KIF1A: variants seen among roughly 807,000 people sequenced by gnomAD.
The protein encoded by KIF1A is kinesin family member 1A, also known as kinesin-like protein KIF1A.
In KIF1A, 46 loss-of-function variants were observed where a neutral mutation model predicts 227.3. That is an observed-to-expected ratio of 0.20 (90% confidence interval 0.16 to 0.26). The LOEUF (loss-of-function observed/expected upper bound fraction) is 0.26. Among genes scored for constraint, KIF1A ranks in the 10% least tolerant of loss-of-function variants. KIF1A has a pLI of 1.00. For missense variants in KIF1A, 1,683 were observed against 2,485.9 expected, an observed-to-expected ratio of 0.68 and a Z score of 6.87; for synonymous variants, 1,022 against 1,012.8, an observed-to-expected ratio of 1.01 and a Z score of -0.17.
In KIF1A at chr2:240,788,045, T is replaced by C. The variant is rs1295567779; in HGVS notation, c.363+6A>G. 1 of 1,330,072 alleles carries C rather than the reference T, an allele frequency of 7.5e-7. No homozygotes were observed. The highest frequency in any genetic ancestry group is 1.0e-6 in the Non-Finnish European group (1 of 957,212). The allele number at this position is 1,330,072 out of a possible 1,614,324, so 82.4% of individuals were successfully genotyped here. A position where few individuals can be genotyped will look rare whatever the true frequency, so the allele number is the denominator to read the frequency against. ...GGGCTGCCCCCGCCCGCCCCCCGCT[T>C]CGTGCCTGTGGGATGATGCCCTGCT... On this transcript the variant is annotated splice_donor_region_variant and intron_variant, in intron 4 of 48. Coordinates refer to ENST00000498729, the MANE Select transcript of KIF1A (RefSeq NM_001244008.2). The surrounding 1 kb of genome is among the most constrained non-coding windows in gnomAD (Gnocchi z 6.6).
rs1043726646 is a variant in KIF1A at position 240,758,764 on chromosome 2, C to T, written c.2445-267G>A. ...TCCAGGGGGTGGGCTGGGGAACAAG[C>T]AGTGAGGGGCTAGAGGGGCTGGCGG... On this transcript the variant is annotated intron_variant, in intron 25 of 48. Transcript: ENST00000498729. This position sits in a 1 kb window ranked among gnomAD's most constrained non-coding sequence, Gnocchi z 5.2. 6.6e-6 allele frequency among the ~76,000 whole-genome samples: 1 copy of T among 152,038 alleles called. No homozygotes were observed. The highest frequency in any genetic ancestry group is 1.5e-5 in the Non-Finnish European group (1 of 67,994).
At chr2:240,784,935 C>G in intron 7 of KIF1A, 54 bp downstream of exon 7, 1 of 1,459,422 alleles carries the variant, frequency 6.9e-7, no homozygotes, top group Admixed American at 1.7e-5. Context: ...CCACCCCTAC[C>G]CTGACCACCA....
At chr2:240,721,302 G>C (rs1349668526) in intron 44 of KIF1A, among the ~76,000 whole-genome samples, 1 of 152,238 alleles carries the variant, frequency 6.6e-6, no homozygotes, top group African/African-American at 2.4e-5. Flanking sequence ...GAGTGGGCTG[G>C]GTAAGCTCTG....
Position 240,718,178 on chromosome 2 carries a change from G to A in KIF1A, c.5215-10C>T, listed in dbSNP as rs2125559875. ...CGAATGTGTTGGGTGTCTGCAGAGG[G>A]AGGCAGCTGGTGAGGAGGTGCCAGG... is the stretch of plus-strand genomic sequence containing the variant. On this transcript the variant is annotated splice_polypyrimidine_tract_variant and intron_variant, in intron 47 of 48. Coordinates refer to ENST00000498729, the MANE Select transcript of KIF1A (RefSeq NM_001244008.2). 3 of 1,577,190 alleles carry A rather than the reference G, an allele frequency of 1.9e-6. No homozygotes were observed. The highest frequency in any genetic ancestry group is 2.6e-6 in the Non-Finnish European group (3 of 1,157,796).
rs547336074 is a variant in KIF1A at position 240,747,537 on chromosome 2, A to C, written c.2978-216T>G. Among the ~76,000 whole-genome samples, 3 of 152,286 alleles carry C rather than the reference A, an allele frequency of 2.0e-5. No individual in the cohort carries two copies. The East Asian group carries it at 5.8e-4, about 29-fold the overall frequency. ...CCTGCCCAGGGGCCCCAAAGCAGCCACGGCCTCATCACAGCCCACCTTGAT... is the reference window on the plus strand; with the variant it reads ...CCTGCCCAGGGGCCCCAAAGCAGCCCCGGCCTCATCACAGCCCACCTTGAT... On this transcript the variant is annotated intron_variant, in intron 28 of 48. Transcript: ENST00000498729.
chr2:240,746,930 G>A (rs2048670158), intron 29 of KIF1A, among the ~76,000 whole-genome samples: 2 of 152,336 alleles, frequency 1.3e-5, no homozygotes, highest in African/African-American at 4.8e-5. Context: ...GAGACAGGGT[G>A]GGGGTGGCTG....
rs2050489468 is a variant in KIF1A at position 240,761,216 on chromosome 2, G to A, written c.2265+13C>T. On this transcript the variant is annotated intron_variant, in intron 24 of 48. Coordinates refer to ENST00000498729, the MANE Select transcript of KIF1A (RefSeq NM_001244008.2). ...TCTCCAACAGGAAACGGTACAGCCA[G>A]TGGGCAGCCCACCTTCTTTTTCAGC... 3 of 1,608,678 alleles carry A rather than the reference G, an allele frequency of 1.9e-6. No individual in the cohort carries two copies. The highest frequency in any genetic ancestry group is 2.5e-6 in the Non-Finnish European group (3 of 1,176,940).
At chr2:240,781,640 T>TCACA (rs1559524688) in intron 10 of KIF1A, 2 of 559,954 alleles carry the variant, frequency 3.6e-6, no homozygotes, top group African/African-American at 4.1e-5. Flanking sequence ...TCCTCACAGT[T>TCACA]CACTCCGCTC....
chr2:240,780,817 CACACACACAG>C (rs2053628938), intron 10 of KIF1A, among the ~76,000 whole-genome samples: 1 of 117,884 alleles, frequency 8.5e-6, no homozygotes, highest in Non-Finnish European at 1.6e-5. Flanking sequence ...CACACACACA[CACACACACAG>C]CTCCACACAC....
In KIF1A at chr2:240,756,248, G is replaced by A. The variant is rs185892431; in HGVS notation, c.2858+1071C>T. 1.2e-3 allele frequency among the ~76,000 whole-genome samples: 189 copies of A among 152,146 alleles called. 1 individual carries two copies. Among genetic ancestry groups the A allele is most frequent in the African/African-American group, 4.5e-3 (185 of 41,490 alleles). On this transcript the variant is annotated intron_variant, in intron 27 of 48. Coordinates refer to ENST00000498729, the MANE Select transcript of KIF1A (RefSeq NM_001244008.2). ...GAAAACTTCCACTGGCCTAGCCCAG[G>A]GAAGCAATCTTAATCGCCAAAAAAA...
intron 28 of KIF1A, among the ~76,000 whole-genome samples, chr2:240,750,031 G>A (rs1027958486): frequency 7.2e-5 from 11 of 152,372 alleles, no homozygotes; most frequent in East Asian, 5.8e-4. Context: ...GCAGCAGGCT[G>A]GGGGAGGGAT....
chr2:240,736,984 A>G lies in KIF1A; in HGVS notation c.4007+79T>C. On this transcript the variant is annotated intron_variant, in intron 38 of 48. Coordinates refer to ENST00000498729, the MANE Select transcript of KIF1A (RefSeq NM_001244008.2). This position sits in a 1 kb window ranked among gnomAD's most constrained non-coding sequence, Gnocchi z 4.7. ...TGAGCGGGTCACCTTGTGTGGCTGA[A>G]CCCTGTGCCGGGTTGGCTGAGGGCC... 1 of 1,188,590 alleles carries G rather than the reference A, an allele frequency of 8.4e-7. No homozygotes were observed. The highest frequency in any genetic ancestry group is 1.2e-5 in the South Asian group (1 of 80,642). The allele number at this position is 1,188,590 out of a possible 1,614,324, so 73.6% of individuals were successfully genotyped here. A position where few individuals can be genotyped will look rare whatever the true frequency, so the allele number is the denominator to read the frequency against.
At chr2:240,734,779 G>C in intron 38 of KIF1A, 2 of 1,304,250 alleles carry the variant, frequency 1.5e-6, no homozygotes, top group Non-Finnish European at 2.0e-6. Context: ...GGTTAGTGAG[G>C]GCCGGGCAGC....
At chr2:240,771,399 C>T (rs1479589323) in intron 14 of KIF1A, 2 of 465,340 alleles carry the variant, frequency 4.3e-6, no homozygotes, top group Non-Finnish European at 7.9e-6. Context: ...CACTTGCCCG[C>T]CTGCCCCCCA....
In KIF1A at chr2:240,736,580, T is replaced by C; in HGVS notation, c.4007+483A>G. On this transcript the variant is annotated intron_variant, in intron 38 of 48. Coordinates refer to ENST00000498729, the MANE Select transcript of KIF1A (RefSeq NM_001244008.2). This position sits in a 1 kb window ranked among gnomAD's most constrained non-coding sequence, Gnocchi z 4.7. The stretch of plus-strand genomic sequence containing the variant: ...CTGGGACCGCCCAGACTGTGGGGTC[T>C]TGGCCGTGCAAGGAGTGTAGGAAGG... 6.6e-6 allele frequency among the ~76,000 whole-genome samples: 1 copy of C among 152,200 alleles called. No individual in the cohort carries two copies. The highest frequency in any genetic ancestry group is 1.9e-4 in the East Asian group (1 of 5,188).
At chr2:240,760,639 T>G in intron 25 of KIF1A, 26 bp downstream of exon 25, 2 of 1,434,606 alleles carry the variant, frequency 1.4e-6, no homozygotes, top group South Asian at 3.2e-5. Context: ...CCTCCCACCA[T>G]CCACCCAGCG....
At chr2:240,735,557 G>T (rs867186229) in intron 38 of KIF1A, among the ~76,000 whole-genome samples, 1 of 152,174 alleles carries the variant, frequency 6.6e-6, no homozygotes, top group Non-Finnish European at 1.5e-5. Context: ...GGAAAATAAG[G>T]TAATGAGGTC....
At chr2:240,808,359 C>G (rs1471314916) in intron 1 of KIF1A, among the ~76,000 whole-genome samples, 1 of 152,026 alleles carries the variant, frequency 6.6e-6, no homozygotes, top group Non-Finnish European at 1.5e-5. Context: ...TTTAAGGTAT[C>G]CTTTAAAATA....
intron 10 of KIF1A, chr2:240,782,189 C>T (rs1002181929): frequency 1.0e-6 from 1 of 985,404 alleles, no homozygotes; most frequent in Non-Finnish European, 1.2e-6. Flanking sequence ...CCCTGTGGCC[C>T]CGTCACGCCT....
Sources: gnomAD v4.1 joint callset for allele counts (sites outside exome capture counted in the v4.1 genomes callset) on GRCh38, gnomAD v4.1.1 for gene constraint, Gnocchi (gnomAD v3.1) non-coding constraint, MANE v1.5 for transcripts, NCBI Gene and HGNC (gene_info 2026-07-23, HGNC 2026-07-21) for gene names.